The following PCDH11X variants were observed in gnomAD, a reference collection of about 807,000 sequenced individuals.
PCDH11X encodes protocadherin 11 X-linked.
A neutral mutation model predicts 53.3 loss-of-function variants in PCDH11X; 18 were observed. The observed-to-expected ratio is 0.34, with a 90% CI of 0.23 to 0.50. The LOEUF (loss-of-function observed/expected upper bound fraction) is 0.50. Ranked by LOEUF, PCDH11X falls within the 20% of genes least tolerant of loss-of-function variation. The probability of loss-of-function intolerance (pLI) is 0.98; values close to 1 mark genes in which losing one functional copy is unlikely to be tolerated. For synonymous variants in PCDH11X, 279 were observed against 393.3 expected, an observed-to-expected ratio of 0.71 and a Z score of 3.44; for missense variants, 570 against 1,032.4, an observed-to-expected ratio of 0.55 and a Z score of 6.14.
intron 8 of PCDH11X, among the ~76,000 whole-genome samples, chrX:92,284,515 A>G (rs2068318800): frequency 8.9e-6 from 1 of 112,411 alleles, no homozygotes; most frequent in South Asian, 3.6e-4. Context: ...ATCCACTGTT[A>G]GCAGGATTTA....
intron 7 of PCDH11X, among the ~76,000 whole-genome samples, chrX:92,246,636 C>A (rs1210811857): frequency 1.8e-5 from 2 of 111,718 alleles, no homozygotes; most frequent in African/African-American, 6.5e-5. Flanking sequence ...TAGGTGTAAG[C>A]CACCGTGCCC....
chrX:92,521,328 G>A (rs1254879387), intron 10 of PCDH11X, among the ~76,000 whole-genome samples: 8 of 111,898 alleles, frequency 7.1e-5, no homozygotes, highest in Non-Finnish European at 1.3e-4. Context: ...ACTTTAATCT[G>A]CTCGCATGTC....
At chrX:92,292,446 G>A (rs1036670921) in intron 8 of PCDH11X, among the ~76,000 whole-genome samples, 1 of 111,930 alleles carries the variant, frequency 8.9e-6, no homozygotes, top group Middle Eastern at 4.2e-3. Flanking sequence ...CTACCTGCTG[G>A]TTCAGATTAT....
chrX:92,199,937 C>T (rs779331207), intron 6 of PCDH11X, among the ~76,000 whole-genome samples: 6 of 110,593 alleles, frequency 5.4e-5, no homozygotes, highest in Middle Eastern at 4.7e-3. Context: ...GCCCAGCAGA[C>T]GTTGAACTGC....
intron 9 of PCDH11X, chrX:92,459,649 C>T (rs1200122671): frequency 6.0e-5 from 49 of 814,933 alleles, no homozygotes; most frequent in Non-Finnish European, 3.9e-5. Context: ...TGTCCTATCT[C>T]TCTCCTCCCC....
At chrX:92,079,905 T>A (rs1424049123) in intron 6 of PCDH11X, among the ~76,000 whole-genome samples, 13 of 112,079 alleles carry the variant, frequency 1.2e-4, no homozygotes, top group African/African-American at 4.2e-4. Flanking sequence ...TCCCCAAGGA[T>A]GTCCACATCA....
chrX:92,308,481 C>T (rs189023383), intron 8 of PCDH11X, among the ~76,000 whole-genome samples: 117 of 110,648 alleles, frequency 1.1e-3, no homozygotes, highest in African/African-American at 3.6e-3. Flanking sequence ...TTACCTTATG[C>T]CATATACAAA....
chrX:92,579,202 G>A (rs1923348817), intron 10 of PCDH11X, among the ~76,000 whole-genome samples: 1 of 105,010 alleles, frequency 9.5e-6, no homozygotes, highest in Admixed American at 1.0e-4. Flanking sequence ...TTCCACTTTG[G>A]GGAACTGATG....
intron 10 of PCDH11X, chrX:92,569,866 A>G (rs1382933870): frequency 2.3e-5 from 3 of 130,022 alleles, no homozygotes; most frequent in African/African-American, 1.0e-4. Flanking sequence ...AAATACAAAA[A>G]TTAGCCATGT....
intron 6 of PCDH11X, among the ~76,000 whole-genome samples, chrX:92,190,148 C>T (rs764235555): frequency 1.3e-3 from 143 of 111,535 alleles, no homozygotes; most frequent in Non-Finnish European, 2.2e-3. Context: ...TGCTTATGCC[C>T]TGAATGGTAT....
intron 1 of PCDH11X, among the ~76,000 whole-genome samples, chrX:91,781,649 T>C (rs1327732382): frequency 9.6e-6 from 1 of 103,952 alleles, no homozygotes; most frequent in Non-Finnish European, 2.1e-5. Context: ...TCTGTGGGTC[T>C]GTGTGTGTGT....
chrX:91,838,693 C>G (rs1330011012), intron 5 of PCDH11X, among the ~76,000 whole-genome samples: 4 of 108,739 alleles, frequency 3.7e-5, no homozygotes, highest in African/African-American at 1.0e-4. Flanking sequence ...TTAAAAATCC[C>G]TTTGTCCTGC....
At chrX:92,406,356 C>A (rs1479713278) in intron 9 of PCDH11X, among the ~76,000 whole-genome samples, 1 of 106,291 alleles carries the variant, frequency 9.4e-6, no homozygotes, top group Non-Finnish European at 1.9e-5. Flanking sequence ...ACTGATTTAA[C>A]CTGTTCATAA....
intron 9 of PCDH11X, among the ~76,000 whole-genome samples, chrX:92,440,326 T>C (rs2148634372): frequency 9.4e-6 from 1 of 106,887 alleles, no homozygotes; most frequent in African/African-American, 3.4e-5. Context: ...CCCACTCTGG[T>C]AGTCCTCAGT....
intron 7 of PCDH11X, among the ~76,000 whole-genome samples, chrX:92,248,934 C>T (rs1603230622): frequency 9.0e-6 from 1 of 111,087 alleles, no homozygotes; most frequent in African/African-American, 3.3e-5. Flanking sequence ...GAATTCCTGA[C>T]CTTAGGTGAT....
chrX:92,321,495 C>T (rs1037391612), intron 8 of PCDH11X, among the ~76,000 whole-genome samples: 5 of 111,215 alleles, frequency 4.5e-5, no homozygotes, highest in South Asian at 3.8e-4. Flanking sequence ...CGCGCCCGGC[C>T]GTGTAATTGT....
At position 92,622,297 on chromosome X, in the gene PCDH11X, G is replaced by T. The variant is rs1465820880; in HGVS notation, c.*3357G>T. The T allele has an allele frequency of 1.8e-5, 2 of 108,163 alleles. No individual in the cohort carries two copies. Among genetic ancestry groups the T allele is most frequent in the African/African-American group, 3.4e-5 (1 of 29,847 alleles). The allele number at this position is 108,163 out of a possible 1,213,427, so 8.9% of individuals were successfully genotyped here. Reference sequence around the variant, plus strand: ...AAATAGACTAAACAAATCACAAATTGTTCAGTTCTTAAAATGTAATTATGT... The same window carrying T: ...AAATAGACTAAACAAATCACAAATTTTTCAGTTCTTAAAATGTAATTATGT... On this transcript the variant is annotated 3_prime_UTR_variant, in exon 11 of 11. Coordinates refer to ENST00000682573, the MANE Select transcript of PCDH11X (RefSeq NM_032968.5).
rs367707799 is a variant in PCDH11X at position 91,892,012 on chromosome X, G to GGTGTGTGT, written c.3033+12766_3033+12773dup. ...CAGTGTTTACTATAATAATTAGAGG[G>GGTGTGTGT]GTGTGTGTGTGTGTGTGTGTGTGTG... On this transcript the variant is annotated intron_variant, in intron 6 of 10. Coordinates refer to ENST00000682573, the MANE Select transcript of PCDH11X (RefSeq NM_032968.5). Among the ~76,000 whole-genome samples, 216 of 83,068 alleles carry GGTGTGTGT rather than the reference G, an allele frequency of 2.6e-3. 1 individual carries two copies. Among genetic ancestry groups the GGTGTGTGT allele is most frequent in the African/African-American group, 8.3e-3 (192 of 23,116 alleles). 72.1% of individuals were successfully genotyped at this position (83,068 alleles called of 115,157 possible). A position where few individuals can be genotyped will look rare whatever the true frequency, so the allele number is the denominator to read the frequency against.
intron 6 of PCDH11X, among the ~76,000 whole-genome samples, chrX:92,003,804 G>C (rs2062551717): frequency 9.3e-6 from 1 of 107,385 alleles, no homozygotes; most frequent in Non-Finnish European, 1.9e-5. Context: ...CTGAATAAAG[G>C]TTCTCAATTT....
Sources: gnomAD v4.1 joint callset for allele counts (sites outside exome capture counted in the v4.1 genomes callset) on GRCh38, gnomAD v4.1.1 for gene constraint, MANE v1.5 for transcripts, NCBI Gene and HGNC (gene_info 2026-07-23, HGNC 2026-07-21) for gene names.